The following IMPG2 variants were observed in gnomAD, a reference collection of about 807,000 sequenced individuals.
IMPG2 encodes IPM 200.
In IMPG2, 91 loss-of-function variants were observed where a neutral mutation model predicts 129.2. The ratio of observed to expected loss-of-function variants is 0.70; its 90% CI spans 0.59 to 0.84. IMPG2 has a LOEUF of 0.84. Ranked by LOEUF, IMPG2 falls within the 40% of genes least tolerant of loss-of-function variation. The pLI, the probability that IMPG2 is intolerant of heterozygous loss-of-function variation, is 0.00. For synonymous variants in IMPG2, 510 were observed against 517.7 expected (o/e 0.99, Z 0.20); for missense variants, 1,430 against 1,461.7 (o/e 0.98, Z 0.35).
At chr3:101,246,556 G>A (rs897875660) in intron 11 of IMPG2, among the ~76,000 whole-genome samples, 1 of 152,180 alleles carries the variant, frequency 6.6e-6, no homozygotes, top group Non-Finnish European at 1.5e-5. Context: ...AAGATAATTA[G>A]TTAATGAAGG....
At chr3:101,319,443 T>C in intron 2 of IMPG2, 141 bp downstream of exon 2, 2 of 1,028,406 alleles carry the variant, frequency 1.9e-6, no homozygotes, top group Non-Finnish European at 3.0e-6. Flanking sequence ...CCATTAACAC[T>C]ATATTCTTAG....
chr3:101,281,322 C>A (rs555110605), intron 4 of IMPG2, among the ~76,000 whole-genome samples: 5 of 152,054 alleles, frequency 3.3e-5, no homozygotes, highest in Non-Finnish European at 7.4e-5. Context: ...GGGACTTCAG[C>A]ATGTTTAAAT....
intron 2 of IMPG2, among the ~76,000 whole-genome samples, chr3:101,310,021 G>T (rs1189890064): frequency 1.3e-5 from 2 of 152,182 alleles, no homozygotes; most frequent in South Asian, 2.1e-4. Flanking sequence ...ACTAGAATGG[G>T]AAGTATCTGG....
chr3:101,311,568 C>T (rs146447672), intron 2 of IMPG2, among the ~76,000 whole-genome samples: 46 of 152,134 alleles, frequency 3.0e-4, no homozygotes, highest in African/African-American at 1.1e-3. Context: ...AAAATAAAGA[C>T]CTAAATAAAT....
Position 101,319,679 on chromosome 3 carries a change from C to T in IMPG2, c.239G>A (p.Arg80Gln), listed in dbSNP as rs751226839. ...ETERQWLIRR[R>Q]RSILFPNGVK... ...TCCATTAGGAAACAGAATAGATCTCCGCCTTCTGATTAACCACTGTCTTTC... is the reference window on the plus strand; with the variant it reads ...TCCATTAGGAAACAGAATAGATCTCTGCCTTCTGATTAACCACTGTCTTTC... Residue 80 changes from arginine to glutamine, a missense_variant, in exon 2 of 19, where the codon CGG (arginine) becomes CAG (glutamine). Coordinates refer to ENST00000193391, the MANE Select transcript of IMPG2 (RefSeq NM_016247.4). The T allele has an allele frequency of 3.7e-5, 60 of 1,613,524 alleles. No individual in the cohort carries two copies. In the South Asian group the frequency reaches 5.5e-4, roughly 15 times the overall value.
intron 14 of IMPG2, among the ~76,000 whole-genome samples, chr3:101,234,707 G>C (rs973741): frequency 6.6e-6 from 1 of 152,178 alleles, no homozygotes; most frequent in Non-Finnish European, 1.5e-5. Flanking sequence ...AGCAGTGAGG[G>C]ATAGGAGTGT....
chr3:101,251,900 G>A (rs1706547855), intron 11 of IMPG2, among the ~76,000 whole-genome samples: 1 of 152,070 alleles, frequency 6.6e-6, no homozygotes, highest in African/African-American at 2.4e-5. Flanking sequence ...GAAAGGGAGG[G>A]AAGGAATAAA....
chr3:101,315,958 G>A (rs191723789), intron 2 of IMPG2, among the ~76,000 whole-genome samples: 86 of 152,140 alleles, frequency 5.7e-4, no homozygotes, highest in African/African-American at 2.0e-3. Flanking sequence ...ACAGAATGAA[G>A]AGGGCAGAAA....
chr3:101,277,818 T>C (rs1706853925), intron 4 of IMPG2, among the ~76,000 whole-genome samples: 1 of 152,248 alleles, frequency 6.6e-6, no homozygotes, highest in Non-Finnish European at 1.5e-5. Flanking sequence ...TACAGTAATC[T>C]GGGAACATTT....
intron 3 of IMPG2, among the ~76,000 whole-genome samples, chr3:101,293,875 C>T (rs1488720528): frequency 6.6e-6 from 1 of 152,176 alleles, no homozygotes; most frequent in Non-Finnish European, 1.5e-5. Context: ...TCTTCTGAAG[C>T]TTCCTCGCCT....
At chr3:101,229,242 C>CTAAATA (rs1706256188) in intron 17 of IMPG2, 138 bp downstream of exon 17, 1 of 755,918 alleles carries the variant, frequency 1.3e-6, no homozygotes, top group African/African-American at 1.7e-5. Context: ...AAACCAATTA[C>CTAAATA]TAAATATTTT....
At chr3:101,252,892 G>A (rs1706559229) in intron 11 of IMPG2, among the ~76,000 whole-genome samples, 1 of 152,170 alleles carries the variant, frequency 6.6e-6, no homozygotes, top group Admixed American at 6.6e-5. Flanking sequence ...TAAGAGGGAA[G>A]AAAAGCAAGG....
At chr3:101,298,444 G>T (rs1707105174) in intron 3 of IMPG2, among the ~76,000 whole-genome samples, 1 of 152,158 alleles carries the variant, frequency 6.6e-6, no homozygotes, top group Non-Finnish European at 1.5e-5. Flanking sequence ...TCATCATGAT[G>T]CTAGTTGGTT....
At chr3:101,295,067 G>C (rs1559655951) in intron 3 of IMPG2, among the ~76,000 whole-genome samples, 1 of 152,154 alleles carries the variant, frequency 6.6e-6, no homozygotes, top group Non-Finnish European at 1.5e-5. Context: ...TTGCTGTGTG[G>C]AAGTTTTTTA....
At chr3:101,261,866 G>A (rs1559647996) in intron 9 of IMPG2, among the ~76,000 whole-genome samples, 1 of 152,100 alleles carries the variant, frequency 6.6e-6, no homozygotes, top group Non-Finnish European at 1.5e-5. Context: ...TGTGATTGAA[G>A]AAAGCTGTGC....
intron 3 of IMPG2, among the ~76,000 whole-genome samples, chr3:101,293,831 C>T (rs1320104885): frequency 6.6e-6 from 1 of 152,200 alleles, no homozygotes; most frequent in Non-Finnish European, 1.5e-5. Flanking sequence ...CTATTCTTAA[C>T]TACATAAACC....
At chr3:101,234,916 T>C (rs1452917429) in intron 14 of IMPG2, among the ~76,000 whole-genome samples, 1 of 152,230 alleles carries the variant, frequency 6.6e-6, no homozygotes, top group Non-Finnish European at 1.5e-5. Flanking sequence ...CTAAAATTCT[T>C]GGGAGGAGAA....
intron 3 of IMPG2, among the ~76,000 whole-genome samples, chr3:101,299,176 C>T (rs944636302): frequency 7.2e-5 from 11 of 152,118 alleles, no homozygotes; most frequent in African/African-American, 2.7e-4. Flanking sequence ...TCCACTTGGT[C>T]GATTCAGCTA....
intron 14 of IMPG2, among the ~76,000 whole-genome samples, chr3:101,235,175 T>C (rs1706332320): frequency 6.6e-6 from 1 of 152,222 alleles, no homozygotes; most frequent in African/African-American, 2.4e-5. Context: ...CTGTGGTTGT[T>C]CGGCATCACC....
Sources: allele counts gnomAD v4.1 joint callset (sites outside exome capture counted in the v4.1 genomes callset), GRCh38; gene constraint gnomAD v4.1.1; transcripts MANE v1.5; gene names NCBI Gene and HGNC (gene_info 2026-07-23, HGNC 2026-07-21).